Variants in LONP1 observed in about 807,000 individuals in gnomAD.
The protein encoded by LONP1 is lon protease homolog, mitochondrial.
LONP1 carries 31 observed loss-of-function variants against 98.5 expected under a neutral mutation model. The observed-to-expected ratio is 0.31, with a 90% CI of 0.24 to 0.42. LONP1 has a LOEUF of 0.42. Among genes scored for constraint, LONP1 ranks in the 20% least tolerant of loss-of-function variants. LONP1 has a pLI of 1.00. For missense variants in LONP1, 1,336 were observed against 1,350.6 expected (o/e 0.99, Z 0.17); for synonymous variants, 781 against 594.7 (o/e 1.31, Z -4.56).
chr19:5,696,605 G>A, intron 11 of LONP1, 65 bp downstream of exon 11: 1 of 1,520,532 alleles, frequency 6.6e-7, no homozygotes, highest in Non-Finnish European at 9.0e-7. Context: ...GGACCCGGAA[G>A]GCTCGGCTTC....
intron 8 of LONP1, among the ~76,000 whole-genome samples, chr19:5,702,725 C>T (rs964764735): frequency 6.6e-6 from 1 of 151,836 alleles, no homozygotes; most frequent in Non-Finnish European, 1.5e-5. Flanking sequence ...TACCCCCAAC[C>T]CTGTGCTCTC....
At chr19:5,704,236 C>T (rs927314261) in intron 8 of LONP1, among the ~76,000 whole-genome samples, 5 of 152,186 alleles carry the variant, frequency 3.3e-5, no homozygotes, top group African/African-American at 4.8e-5. Context: ...AGGCAGGAAA[C>T]GGATTCTCCT....
intron 8 of LONP1, among the ~76,000 whole-genome samples, chr19:5,703,410 G>C (rs1483984988): frequency 6.6e-6 from 1 of 152,078 alleles, no homozygotes; most frequent in Admixed American, 6.6e-5. Context: ...TGCCGGGAGA[G>C]TGACGCTGAA....
intron 17 of LONP1, 38 bp downstream of exon 17, chr19:5,693,260 C>T (rs2054863453): frequency 3.2e-6 from 5 of 1,577,794 alleles, no homozygotes; most frequent in Admixed American, 1.7e-5. Flanking sequence ...GTGGTGTGGG[C>T]CCTGCCAGTG....
chr19:5,700,640 T>A, intron 9 of LONP1, 149 bp downstream of exon 9: 1 of 1,115,372 alleles, frequency 9.0e-7, no homozygotes. Flanking sequence ...CAGGGCAGGA[T>A]GCTACCTCCG....
intron 6 of LONP1, 37 bp from the exon 7 acceptor site, chr19:5,707,180 G>T: frequency 6.3e-7 from 1 of 1,580,366 alleles, no homozygotes; most frequent in Non-Finnish European, 8.7e-7. Flanking sequence ...ATGAGCAGAA[G>T]TCGGCATCTG....
intron 13 of LONP1, among the ~76,000 whole-genome samples, chr19:5,695,141 G>C (rs1225359639): frequency 6.6e-6 from 1 of 151,990 alleles, no homozygotes; most frequent in Non-Finnish European, 1.5e-5. Flanking sequence ...TGGTATCTTA[G>C]ATGCCGCTTC....
intron 17 of LONP1, 99 bp from the exon 18 acceptor site, chr19:5,692,307 C>T: frequency 1.1e-5 from 13 of 1,185,344 alleles, no homozygotes; most frequent in Non-Finnish European, 1.5e-5. Flanking sequence ...ACCGGCGATA[C>T]ACAGTGATGC....
rs532638720 is a variant in LONP1, at chr19:5,692,915, C to T, written c.2703+383G>A. Among the ~76,000 whole-genome samples the T allele has an allele frequency of 1.4e-3, 209 of 152,114 alleles. 1 individual carries two copies. Among genetic ancestry groups the T allele is most frequent in the African/African-American group, 4.8e-3 (198 of 41,502 alleles). ...TGGGAGGGAAGAGTGGGGACAGTGG[C>T]GCTCCAACCTGCTCAGCACCCTTGG... is the stretch of plus-strand genomic sequence containing the variant. On this transcript the variant is annotated intron_variant, in intron 17 of 17. Coordinates refer to ENST00000360614, the MANE Select transcript of LONP1 (RefSeq NM_004793.4).
At chr19:5,716,512 TCTTAA>T (rs1568329346) in intron 1 of LONP1, among the ~76,000 whole-genome samples, 1 of 150,628 alleles carries the variant, frequency 6.6e-6, no homozygotes, top group Non-Finnish European at 1.5e-5. Flanking sequence ...TAACACAGGC[TCTTAA>T]CTTGTGGTCC....
chr19:5,696,802 C>T (rs369256803), intron 10 of LONP1, 45 bp from the exon 11 acceptor site: 42 of 1,361,174 alleles, frequency 3.1e-5, no homozygotes, highest in African/African-American at 7.1e-5. Flanking sequence ...TAGCCTGGCT[C>T]GGCCACAACG....
chr19:5,708,669 C>G, intron 4 of LONP1: 1 of 415,962 alleles, frequency 2.4e-6, no homozygotes, highest in Non-Finnish European at 4.4e-6. Flanking sequence ...TTAGGATAAG[C>G]TATCTCAGGG....
chr19:5,713,235 G>A lies in LONP1; in HGVS notation c.537C>T (p.Val179=), dbSNP rs772056590. The change falls in exon 3 of 18, where the codon GTC becomes GTT. Residue 179 remains valine (V), a synonymous_variant. Transcript: ENST00000360614. ...KRDDSNESDV[V]ESLDEIYHTG... ...TGTGGTAGATTTCATCCAGGCTCTC[G>A]ACCACATCCGACTCATTGCTGTGGG... is the stretch of plus-strand genomic sequence containing the variant. The A allele has an allele frequency of 2.2e-5, 35 of 1,613,966 alleles. No individual in the cohort carries two copies. Among genetic ancestry groups the A allele is most frequent in the Middle Eastern group, 1.6e-4 (1 of 6,062 alleles).
chr19:5,696,727 C>T lies in LONP1; in HGVS notation c.1716G>A (p.Lys572=), dbSNP rs150208648. 339 of 1,613,588 alleles carry T rather than the reference C, an allele frequency of 2.1e-4. 2 individuals are homozygous for T. The Middle Eastern group carries it at 4.9e-3, about 24-fold the overall frequency. Residue 572 remains lysine, a synonymous_variant, in exon 11 of 18, where the codon AAG becomes AAA. Coordinates refer to ENST00000360614, the MANE Select transcript of LONP1 (RefSeq NM_004793.4). The stretch of plus-strand genomic sequence containing the variant: ...TGGTCTTCTTCAAACACTGGATGAT[C>T]TTCCCGGGCATGGCGCCCACGTAGG... ...RRTYVGAMPG[K]IIQCLKKTKT...
At chr19:5,720,166 G>A (rs1018651740), upstream of LONP1, 21 of 1,387,144 alleles carry the variant, frequency 1.5e-5, no homozygotes, top group African/African-American at 1.2e-4. Flanking sequence ...CACAACTCGC[G>A]TCATTTCCGC....
chr19:5,712,645 C>T (rs552712097), intron 3 of LONP1, among the ~76,000 whole-genome samples: 8 of 152,174 alleles, frequency 5.3e-5, no homozygotes, highest in Non-Finnish European at 8.8e-5. Context: ...TACAGGAACA[C>T]GCCGTCACAT....
At chr19:5,709,462 G>A (rs1173560137) in intron 4 of LONP1, among the ~76,000 whole-genome samples, 2 of 152,000 alleles carry the variant, frequency 1.3e-5, no homozygotes, top group Non-Finnish European at 2.9e-5. Context: ...GATTGCGCCA[G>A]TGCACTCCAG....
At chr19:5,702,252 T>TG (rs56009900) in intron 8 of LONP1, among the ~76,000 whole-genome samples, 6,144 of 119,674 alleles carry the variant, frequency 0.051, 229 homozygotes, top group South Asian at 0.12. Flanking sequence ...GGAGGGAGGT[T>TG]GGGGGGGGGG....
chr19:5,695,998 TG>T (rs887899579), intron 13 of LONP1, 55 bp downstream of exon 13: 18 of 1,515,740 alleles, frequency 1.2e-5, no homozygotes, highest in Admixed American at 3.7e-5. Flanking sequence ...CTGCAGGCTC[TG>T]GGGGGCGCCC....
Sources: allele counts gnomAD v4.1 joint callset (sites outside exome capture counted in the v4.1 genomes callset), GRCh38; gene constraint gnomAD v4.1.1; transcripts MANE v1.5; gene names NCBI Gene and HGNC (gene_info 2026-07-23, HGNC 2026-07-21).